The following MEF2A variants were observed in gnomAD, a reference collection of about 807,000 sequenced individuals.
MEF2A encodes the protein myocyte enhancer factor 2A, also known as myocyte-specific enhancer factor 2A.
A neutral mutation model predicts 55.8 loss-of-function variants in MEF2A; 28 were observed. The ratio of observed to expected loss-of-function variants is 0.50; its 90% confidence interval spans 0.37 to 0.69. The LOEUF (loss-of-function observed/expected upper bound fraction) is 0.69, where lower values mean the gene tolerates loss of function less well. MEF2A is among the 30% of genes least tolerant of loss of function. The pLI is 0.00. For synonymous variants in MEF2A, 239 were observed against 227.1 expected (o/e 1.05, Z -0.47); for missense variants, 528 against 626.2 (o/e 0.84, Z 1.67).
At chr15:99,613,890 A>G (rs1029038137) in intron 2 of MEF2A, among the ~76,000 whole-genome samples, 13 of 152,192 alleles carry the variant, frequency 8.5e-5, no homozygotes, top group African/African-American at 2.7e-4. Context: ...TTAATATTCT[A>G]CTACTGAAAA....
intron 2 of MEF2A, among the ~76,000 whole-genome samples, chr15:99,601,082 G>A (rs1972799938): frequency 6.6e-6 from 1 of 152,114 alleles, no homozygotes; most frequent in Non-Finnish European, 1.5e-5. Flanking sequence ...GCAGTGTCTT[G>A]TAGTTTTCAG....
chr15:99,708,713 G>T (rs182059045), intron 10 of MEF2A, among the ~76,000 whole-genome samples: 2 of 152,212 alleles, frequency 1.3e-5, no homozygotes, highest in African/African-American at 4.8e-5. Flanking sequence ...GTGAAGCCTG[G>T]GGGGAAGGCA....
intron 1 of MEF2A, among the ~76,000 whole-genome samples, chr15:99,596,743 C>A (rs1188645296): frequency 6.6e-6 from 1 of 152,096 alleles, no homozygotes; most frequent in Non-Finnish European, 1.5e-5. Context: ...CCTTTTTCTA[C>A]CTGAATGTCC....
chr15:99,702,588 T>A (rs978927205), intron 8 of MEF2A, among the ~76,000 whole-genome samples: 10 of 152,036 alleles, frequency 6.6e-5, no homozygotes, highest in African/African-American at 2.4e-4. Context: ...CCACCGCACC[T>A]GGCTAATTTT....
At chr15:99,573,796 G>A (rs1020672705) in intron 1 of MEF2A, among the ~76,000 whole-genome samples, 4 of 152,222 alleles carry the variant, frequency 2.6e-5, no homozygotes, top group Non-Finnish European at 5.9e-5. Flanking sequence ...AATAGTGAAA[G>A]TCATTCCCCA....
chr15:99,679,030 CAAAG>C (rs1275467393), intron 7 of MEF2A, among the ~76,000 whole-genome samples: 7 of 152,054 alleles, frequency 4.6e-5, no homozygotes, highest in Non-Finnish European at 1.0e-4. Context: ...AATTAAACCA[CAAAG>C]AGAGAACACT....
At position 99,687,184 on chromosome 15, in the gene MEF2A, C is replaced by A. The variant is rs914200867; in HGVS notation, c.671-3057C>A. ...CAAGCGATCTGCCCACCTCAGCCTC[C>A]CAAAGTTCTGGGATTACAGGCATCA... On this transcript the variant is annotated intron_variant, in intron 7 of 11. Coordinates refer to ENST00000557942, the MANE Select transcript of MEF2A (RefSeq NM_001319206.4). Among the ~76,000 whole-genome samples the A allele has an allele frequency of 5.3e-5, 8 of 150,314 alleles. No homozygotes were observed. The Admixed American group carries it at 5.3e-4, about 10-fold the overall frequency.
At chr15:99,604,310 G>A (rs184153738) in intron 2 of MEF2A, among the ~76,000 whole-genome samples, 41 of 152,044 alleles carry the variant, frequency 2.7e-4, no homozygotes, top group African/African-American at 9.9e-4. Context: ...GTCTCTCTTG[G>A]CACTGATACT....
At chr15:99,675,485 T>C in intron 7 of MEF2A, 27 bp downstream of exon 7, 4 of 1,589,890 alleles carry the variant, frequency 2.5e-6, no homozygotes, top group Non-Finnish European at 3.5e-6. Context: ...TCTTCTGTTT[T>C]GTAGGTATCT....
intron 4 of MEF2A, among the ~76,000 whole-genome samples, chr15:99,656,517 A>G (rs978299838): frequency 2.6e-5 from 4 of 152,142 alleles, no homozygotes; most frequent in Admixed American, 2.0e-4. Flanking sequence ...TTACTTGAAT[A>G]GAAATGCTGG....
Position 99,712,533 on chromosome 15 carries a change from A to C in MEF2A, c.1280A>C (p.Gln427Pro), listed in dbSNP as rs201861701. The change falls in exon 12 of 12, where the codon CAG becomes CCG. Residue 427 changes from glutamine (Q) to proline (P), a missense_variant. Transcript: ENST00000557942. This position sits in a 1 kb window ranked among gnomAD's most constrained non-coding sequence, Gnocchi z 4.1. Reference sequence around the variant, plus strand: ...CAGCAGCAGCAGCAGCAGCAGCAGCAGCAGCCGCCGCCACCACCGCAGCCC... The same window carrying C: ...CAGCAGCAGCAGCAGCAGCAGCAGCCGCAGCCGCCGCCACCACCGCAGCCC... ...FQQQQQQQQQ[Q>P]QPPPPPQPQP... 9.4e-6 allele frequency: 13 copies of C among 1,381,202 alleles called. No homozygotes were observed. The Admixed American group carries it at 1.1e-4, about 11-fold the overall frequency. 85.6% of individuals were successfully genotyped at this position (1,381,202 alleles called of 1,614,324 possible). A position where few individuals can be genotyped will look rare whatever the true frequency, so the allele number is the denominator to read the frequency against.
At chr15:99,578,898 A>G (rs1475936600) in intron 1 of MEF2A, among the ~76,000 whole-genome samples, 1 of 152,244 alleles carries the variant, frequency 6.6e-6, no homozygotes, top group Non-Finnish European at 1.5e-5. Flanking sequence ...TAAGTACATG[A>G]TAAATGTGTT....
intron 4 of MEF2A, among the ~76,000 whole-genome samples, chr15:99,662,725 G>T (rs1402265151): frequency 1.3e-5 from 2 of 152,166 alleles, no homozygotes; most frequent in African/African-American, 4.8e-5. Flanking sequence ...TGATCTGCCT[G>T]TCTCTGCCTC....
chr15:99,600,040 C>T (rs1229233628), intron 2 of MEF2A, among the ~76,000 whole-genome samples: 2 of 152,076 alleles, frequency 1.3e-5, no homozygotes, highest in Non-Finnish European at 2.9e-5. Context: ...GAACCAATTT[C>T]CCACTCCACA....
rs1051873263 is a variant in MEF2A at position 99,629,798 on chromosome 15, G to C, written c.-142-3180G>C. ...TACTAAAAATACAAAAAATTAGCCG[G>C]GCGTGGTGGCACGTGCCTGTAGCCC... On this transcript the variant is annotated intron_variant, in intron 2 of 11. Transcript: ENST00000557942. Among the ~76,000 whole-genome samples the C allele has an allele frequency of 2.0e-5, 3 of 152,088 alleles. No individual in the cohort carries two copies. The South Asian group carries it at 6.2e-4, about 32-fold the overall frequency.
intron 2 of MEF2A, among the ~76,000 whole-genome samples, chr15:99,625,260 T>A (rs556289701): frequency 6.6e-6 from 1 of 152,204 alleles, no homozygotes; most frequent in Non-Finnish European, 1.5e-5. Context: ...TGTTAATGTA[T>A]AGAATTGCAG....
chr15:99,601,480 C>CT (rs899135878), intron 2 of MEF2A, among the ~76,000 whole-genome samples: 2 of 138,996 alleles, frequency 1.4e-5, no homozygotes, highest in East Asian at 4.3e-4. Flanking sequence ...AGGTGGAAAA[C>CT]TTTGAGTTTT....
chr15:99,620,909 G>A (rs2041049113), intron 2 of MEF2A: 1 of 146,112 alleles, frequency 6.8e-6, no homozygotes, highest in Non-Finnish European at 1.5e-5. Context: ...GCAGTGGTGT[G>A]ATCTCGGTTC....
chr15:99,659,405 G>A (rs2048271584), intron 4 of MEF2A, among the ~76,000 whole-genome samples: 1 of 152,110 alleles, frequency 6.6e-6, no homozygotes, highest in South Asian at 2.1e-4. Flanking sequence ...TCTCACTGAG[G>A]AAGATAGGGG....
Sources: allele counts gnomAD v4.1 joint callset (sites outside exome capture counted in the v4.1 genomes callset), GRCh38; gene constraint gnomAD v4.1.1; non-coding constraint Gnocchi (gnomAD v3.1); transcripts MANE v1.5; gene names NCBI Gene and HGNC (gene_info 2026-07-23, HGNC 2026-07-21).